The following NCK1 variants were observed in gnomAD, a reference collection of about 807,000 sequenced individuals.
The protein encoded by NCK1 is SH2/SH3 adapter protein NCK1.
In NCK1, 19 loss-of-function variants were observed where a neutral mutation model predicts 36.6. The ratio of observed to expected loss-of-function variants is 0.52; its 90% CI spans 0.36 to 0.76. NCK1 has a LOEUF of 0.76. NCK1 is among the 30% of genes least tolerant of loss of function. The pLI is 0.00. For missense variants in NCK1, 358 were observed against 445.6 expected (o/e 0.80, Z 1.77); for synonymous variants, 165 against 156.0 (o/e 1.06, Z -0.43).
At chr3:136,932,754 G>A (rs1192714124) in intron 2 of NCK1, among the ~76,000 whole-genome samples, 1 of 152,180 alleles carries the variant, frequency 6.6e-6, no homozygotes. Context: ...CAACTAAGCA[G>A]TCTTAGGTGT....
At chr3:136,904,467 T>C (rs1390955912) in intron 1 of NCK1, among the ~76,000 whole-genome samples, 1 of 152,210 alleles carries the variant, frequency 6.6e-6, no homozygotes, top group East Asian at 1.9e-4. Context: ...TTCAGCATTT[T>C]GAATATATCA....
intron 2 of NCK1, chr3:136,928,542 C>A (rs1940307242): frequency 3.7e-6 from 1 of 271,428 alleles, no homozygotes; most frequent in African/African-American, 2.2e-5. Context: ...GGCAGAATTG[C>A]CTCTTTGGCA....
chr3:136,872,779 G>C (rs1938662271), intron 1 of NCK1, among the ~76,000 whole-genome samples: 1 of 152,222 alleles, frequency 6.6e-6, no homozygotes, highest in Non-Finnish European at 1.5e-5. Context: ...AAAGGGGCCA[G>C]CGTAGAGCTT....
At chr3:136,889,443 AC>A (rs1273065122) in intron 1 of NCK1, 9 of 152,754 alleles carry the variant, frequency 5.9e-5, no homozygotes, top group African/African-American at 2.2e-4. Flanking sequence ...GGCGAGTGTT[AC>A]AGCTCATAAA....
intron 1 of NCK1, among the ~76,000 whole-genome samples, chr3:136,892,584 G>A (rs971552593): frequency 6.6e-6 from 1 of 152,220 alleles, no homozygotes; most frequent in Non-Finnish European, 1.5e-5. Context: ...CTTCTCTAGA[G>A]CCTTCTGAAG....
At chr3:136,863,428 TG>T (rs1232580277) in intron 1 of NCK1, among the ~76,000 whole-genome samples, 9 of 152,210 alleles carry the variant, frequency 5.9e-5, no homozygotes, top group Admixed American at 5.9e-4. Flanking sequence ...AAGAAAGTTT[TG>T]TTTGGTAATT....
intron 3 of NCK1, among the ~76,000 whole-genome samples, chr3:136,947,880 A>C (rs1408422800): frequency 6.6e-6 from 1 of 152,128 alleles, no homozygotes; most frequent in Non-Finnish European, 1.5e-5. Context: ...TGGGTATCTT[A>C]GACTTTCTCA....
chr3:136,944,525 G>A (rs1160745896), intron 2 of NCK1, among the ~76,000 whole-genome samples: 1 of 152,216 alleles, frequency 6.6e-6, no homozygotes, highest in Non-Finnish European at 1.5e-5. Context: ...AAAAGTTGTA[G>A]CAGAGTTAAA....
intron 1 of NCK1, among the ~76,000 whole-genome samples, chr3:136,864,423 G>C (rs28672119): frequency 0.68 from 103,451 of 151,768 alleles, 35,545 homozygotes; most frequent in East Asian, 0.87. Flanking sequence ...CCCGGGAGTC[G>C]GAGGTTGCAG....
At chr3:136,892,825 T>C (rs1939283845) in intron 1 of NCK1, among the ~76,000 whole-genome samples, 1 of 152,142 alleles carries the variant, frequency 6.6e-6, no homozygotes, top group Non-Finnish European at 1.5e-5. Context: ...AAATACTTTA[T>C]TTCAGTAGGT....
chr3:136,891,444 ACACTTTGGTTGCTTC>A (rs1939242540), intron 1 of NCK1, among the ~76,000 whole-genome samples: 1 of 152,206 alleles, frequency 6.6e-6, no homozygotes, highest in Non-Finnish European at 1.5e-5. Context: ...CTGATCATGG[ACACTTTGGTTGCTTC>A]CACTTTTTGG....
At chr3:136,944,316 A>G (rs1299369082) in intron 2 of NCK1, among the ~76,000 whole-genome samples, 3 of 151,692 alleles carry the variant, frequency 2.0e-5, no homozygotes, top group Admixed American at 6.6e-5. Context: ...ACGGGGTTTC[A>G]CCATGTTTGG....
chr3:136,932,881 C>T lies in NCK1; in HGVS notation c.226+4654C>T, dbSNP rs143982667. On this transcript the variant is annotated intron_variant, in intron 2 of 3. Coordinates refer to ENST00000481752, the MANE Select transcript of NCK1 (RefSeq NM_001291999.2). The stretch of plus-strand genomic sequence containing the variant: ...AAGAAACAGAAAAACTTTCTTTGGC[C>T]CCATTCTCAACACTTACTCAGTGAT... Among the ~76,000 whole-genome samples the T allele has an allele frequency of 5.8e-3, 880 of 152,212 alleles. 3 individuals are homozygous for T. The highest frequency in any genetic ancestry group is 9.9e-3 in the Non-Finnish European group (676 of 68,008).
At chr3:136,881,912 T>G (rs1401624368) in intron 1 of NCK1, among the ~76,000 whole-genome samples, 2 of 152,246 alleles carry the variant, frequency 1.3e-5, no homozygotes, top group Non-Finnish European at 2.9e-5. Context: ...ACATTTTGTT[T>G]ATCCATTCAT....
intron 1 of NCK1, among the ~76,000 whole-genome samples, chr3:136,890,681 A>C (rs987379299): frequency 2.0e-5 from 3 of 152,268 alleles, no homozygotes; most frequent in Non-Finnish European, 1.5e-5. Context: ...TATTACGAGT[A>C]ATATGGCTAC....
At chr3:136,893,147 A>AGTGTGTGTGTGTGTGTGTGTGT in intron 1 of NCK1, among the ~76,000 whole-genome samples, 1 of 41,938 alleles carries the variant, frequency 2.4e-5, no homozygotes, top group African/African-American at 7.9e-5. Context: ...AATATTCCAT[A>AGTGTGTGTGTGTGTGTGTGTGT]GTGTGTGTGT....
At chr3:136,945,136 G>T (rs1232975482) in intron 2 of NCK1, among the ~76,000 whole-genome samples, 4 of 152,196 alleles carry the variant, frequency 2.6e-5, no homozygotes, top group Non-Finnish European at 5.9e-5. Flanking sequence ...ATCATATTCT[G>T]ATTTAAGATA....
chr3:136,928,966 G>A (rs112690301), intron 2 of NCK1, among the ~76,000 whole-genome samples: 5 of 151,978 alleles, frequency 3.3e-5, no homozygotes, highest in African/African-American at 9.6e-5. Context: ...TGCTATTTGC[G>A]TAATTGTTCT....
intron 1 of NCK1, among the ~76,000 whole-genome samples, chr3:136,876,578 T>G (rs1194996267): frequency 1.3e-5 from 2 of 151,882 alleles, no homozygotes; most frequent in African/African-American, 4.8e-5. Flanking sequence ...TTTTTTGTTT[T>G]TTTTTTAAAC....
Sources: gnomAD v4.1 joint callset for allele counts (sites outside exome capture counted in the v4.1 genomes callset) on GRCh38, gnomAD v4.1.1 for gene constraint, MANE v1.5 for transcripts, NCBI Gene and HGNC (gene_info 2026-07-23, HGNC 2026-07-21) for gene names.